Variants in ARL6IP6 observed in about 807,000 individuals in gnomAD.
ARL6IP6 encodes the protein ARF like GTPase 6 interacting protein 6, also known as ADP-ribosylation factor-like protein 6-interacting protein 6.
Under a neutral mutation model 21.5 loss-of-function variants are expected in ARL6IP6, and 22 were observed. The observed-to-expected ratio is 1.02, with a 90% CI of 0.73 to 1.46. The LOEUF (loss-of-function observed/expected upper bound fraction) is 1.46, where lower values mean the gene tolerates loss of function less well. Among genes scored for constraint, ARL6IP6 ranks in the 40% most tolerant of loss-of-function variants. ARL6IP6 has a pLI of 0.00. For synonymous variants in ARL6IP6, 164 were observed against 125.3 expected (o/e 1.31, Z -2.06); for missense variants, 388 against 299.8 (o/e 1.29, Z -2.17).
chr2:152,720,907 A>G (rs969930138), intron 2 of ARL6IP6, among the ~76,000 whole-genome samples: 5 of 152,204 alleles, frequency 3.3e-5, no homozygotes, highest in African/African-American at 1.2e-4. Flanking sequence ...TCTGGGCAAC[A>G]TAGTGAGACC....
chr2:152,753,979 G>A (rs1032096928), intron 3 of ARL6IP6, among the ~76,000 whole-genome samples: 1 of 151,174 alleles, frequency 6.6e-6, no homozygotes, highest in African/African-American at 2.5e-5. Flanking sequence ...GGGATTACAG[G>A]CGTGAGCCAC....
rs931207024 is a variant in ARL6IP6, at chr2:152,718,801, C to T, written c.177C>T (p.Phe59=). 1.9e-6 allele frequency: 3 copies of T among 1,607,514 alleles called. No individual in the cohort carries two copies. In the African/African-American group the frequency reaches 4.0e-5, roughly 21 times the overall value. ...DQVARDLRAE[F]SAGAWSEPRK... Reference sequence around the variant, plus strand: ...TGGCCCGCGACCTGCGGGCGGAGTTCTCGGCTGGGGCGTGGTCAGAGCCCA... The same window carrying T: ...TGGCCCGCGACCTGCGGGCGGAGTTTTCGGCTGGGGCGTGGTCAGAGCCCA... The change falls in exon 1 of 4, where the codon TTC becomes TTT. Residue 59 remains phenylalanine, a synonymous_variant. Coordinates refer to ENST00000326446, the MANE Select transcript of ARL6IP6 (RefSeq NM_152522.7).
At chr2:152,749,871 A>G (rs1363965508) in intron 3 of ARL6IP6, among the ~76,000 whole-genome samples, 1 of 152,256 alleles carries the variant, frequency 6.6e-6, no homozygotes, top group Non-Finnish European at 1.5e-5. Context: ...ATATGGAAGT[A>G]GATCTAAAGA....
chr2:152,728,974 C>T, intron 2 of ARL6IP6, among the ~76,000 whole-genome samples: 1 of 151,414 alleles, frequency 6.6e-6, no homozygotes, highest in Admixed American at 6.6e-5. Context: ...AGGAGAACTG[C>T]TTGAACCTGG....
intron 3 of ARL6IP6, among the ~76,000 whole-genome samples, chr2:152,752,291 A>G (rs529765118): frequency 6.6e-5 from 10 of 152,322 alleles, no homozygotes; most frequent in African/African-American, 2.4e-4. Context: ...ACCATTTTGG[A>G]ATCCATAGTA....
upstream of ARL6IP6, chr2:152,718,421 C>T (rs780339311): frequency 1.2e-5 from 8 of 644,556 alleles, no homozygotes; most frequent in East Asian, 1.7e-4. Flanking sequence ...GCCCTGGGGT[C>T]GAGCTCTGGT....
chr2:152,732,611 C>A, intron 2 of ARL6IP6: 1 of 429,968 alleles, frequency 2.3e-6, no homozygotes. Flanking sequence ...TTTTGTCATT[C>A]AATTTGACAT....
chr2:152,744,608 T>G (rs768285791), intron 3 of ARL6IP6, among the ~76,000 whole-genome samples: 2 of 152,124 alleles, frequency 1.3e-5, no homozygotes, highest in Non-Finnish European at 2.9e-5. Flanking sequence ...AGATTGGGAA[T>G]TTGCATTATT....
rs1701034758 is a variant in ARL6IP6, at chr2:152,746,082, A to G, written c.587+10956A>G. ...GCCCAGGCTAGATAGCAGTGGCATG[A>G]TCTTGGGTGACTGCAACCTTTGCCT... On this transcript the variant is annotated intron_variant, in intron 3 of 3. Coordinates refer to ENST00000326446, the MANE Select transcript of ARL6IP6 (RefSeq NM_152522.7). Among the ~76,000 whole-genome samples, 3 of 125,972 alleles carry G rather than the reference A, an allele frequency of 2.4e-5. No homozygotes were observed. The Admixed American group carries it at 2.8e-4, about 12-fold the overall frequency. The allele number at this position is 125,972 out of a possible 152,430, so 82.6% of individuals were successfully genotyped here. A position where few individuals can be genotyped will look rare whatever the true frequency, so the allele number is the denominator to read the frequency against.
At chr2:152,722,643 G>A (rs899258257) in intron 2 of ARL6IP6, among the ~76,000 whole-genome samples, 12 of 152,226 alleles carry the variant, frequency 7.9e-5, no homozygotes, top group East Asian at 5.8e-4. Context: ...TGGCTCACAC[G>A]TATAATCCCA....
intron 2 of ARL6IP6, among the ~76,000 whole-genome samples, chr2:152,731,441 T>C (rs924237082): frequency 3.9e-5 from 6 of 152,202 alleles, no homozygotes; most frequent in Non-Finnish European, 8.8e-5. Context: ...GTCAGGAAAT[T>C]TGATAATTCG....
intron 3 of ARL6IP6, among the ~76,000 whole-genome samples, chr2:152,749,930 C>G (rs757171658): frequency 6.6e-6 from 1 of 152,186 alleles, no homozygotes; most frequent in Non-Finnish European, 1.5e-5. Context: ...CTTATTCTTT[C>G]ATATGGTCAA....
chr2:152,718,483 C>T, upstream of ARL6IP6: 5 of 1,236,272 alleles, frequency 4.0e-6, no homozygotes, highest in Non-Finnish European at 4.3e-6. Context: ...TGCAACCCGC[C>T]GCCCACCCTT....
intron 3 of ARL6IP6, among the ~76,000 whole-genome samples, chr2:152,746,001 CTTTTTTT>C (rs67760283): frequency 1.3e-3 from 84 of 66,370 alleles, no homozygotes; most frequent in African/African-American, 8.1e-3. Context: ...TGCTTTGTAC[CTTTTTTT>C]TTTTTTTTTT....
At position 152,759,971 on chromosome 2, in the gene ARL6IP6, A is replaced by C. The variant is rs1293695380; in HGVS notation, c.*131A>C. 4.3e-6 allele frequency: 3 copies of C among 703,794 alleles called. No individual in the cohort carries two copies. The highest frequency in any genetic ancestry group is 4.9e-6 in the Non-Finnish European group (2 of 409,704). 43.6% of individuals were successfully genotyped at this position (703,794 alleles called of 1,614,324 possible). ...TTATGTAGTTCAGATATTTATCACAATCATCCTCATTATGGAAGACCTTTT... is the reference window on the plus strand; with the variant it reads ...TTATGTAGTTCAGATATTTATCACACTCATCCTCATTATGGAAGACCTTTT... On this transcript the variant is annotated 3_prime_UTR_variant, in exon 4 of 4. Transcript: ENST00000326446.
intron 3 of ARL6IP6, among the ~76,000 whole-genome samples, chr2:152,752,117 CCTTAT>C (rs1405866601): frequency 6.6e-6 from 1 of 152,070 alleles, no homozygotes; most frequent in African/African-American, 2.4e-5. Flanking sequence ...CTTTCCTTTC[CCTTAT>C]CTTTCTCTTC....
At chr2:152,753,359 C>T (rs1313527365) in intron 3 of ARL6IP6, among the ~76,000 whole-genome samples, 4 of 152,140 alleles carry the variant, frequency 2.6e-5, no homozygotes, top group African/African-American at 9.7e-5. Flanking sequence ...ATCTCATCAC[C>T]ACCACCCACA....
At position 152,720,604 on chromosome 2, in the gene ARL6IP6, G is replaced by A. The variant is rs375205934; in HGVS notation, c.454+18G>A. 88 of 1,607,144 alleles carry A rather than the reference G, an allele frequency of 5.5e-5. 1 individual carries two copies. In the African/African-American group the frequency reaches 7.1e-4, roughly 13 times the overall value. ...ACTATTAGGTATGGACTTAATTGCC[G>A]CTTGCTTTGGTTTTGAGCTCACGTT... On this transcript the variant is annotated intron_variant, in intron 2 of 3. Transcript: ENST00000326446.
rs769535236 is a variant in ARL6IP6, at chr2:152,759,845, A to C, written c.*5A>C. 28 of 1,608,258 alleles carry C rather than the reference A, an allele frequency of 1.7e-5. No individual in the cohort carries two copies. The Middle Eastern group carries it at 2.0e-3, about 114-fold the overall frequency. On this transcript the variant is annotated 3_prime_UTR_variant, in exon 4 of 4. Transcript: ENST00000326446. ...GTAGCATGGTGCCTCATGTAAACCC[A>C]CACTGGAGCGATATTGTTGGCAAAA...
Sources: allele counts gnomAD v4.1 joint callset (sites outside exome capture counted in the v4.1 genomes callset), GRCh38; gene constraint gnomAD v4.1.1; transcripts MANE v1.5; gene names NCBI Gene and HGNC (gene_info 2026-07-23, HGNC 2026-07-21).